Variants in CASP8 observed in about 807,000 individuals in gnomAD.
CASP8 encodes caspase 8, also known as caspase-8.
A neutral mutation model predicts 46.3 loss-of-function variants in CASP8; 24 were observed. The ratio of observed to expected loss-of-function variants is 0.52; its 90% CI spans 0.38 to 0.73. The LOEUF is 0.73. CASP8 is among the 30% of genes least tolerant of loss of function. CASP8 has a pLI of 0.00. For synonymous variants in CASP8, 188 were observed against 200.4 expected (o/e 0.94, Z 0.52); for missense variants, 460 against 559.0 (o/e 0.82, Z 1.79).
intron 2 of CASP8, among the ~76,000 whole-genome samples, chr2:201,237,064 TC>T (rs71406912): frequency 1.3e-5 from 2 of 151,234 alleles, no homozygotes; most frequent in Admixed American, 6.6e-5. Flanking sequence ...TTGTTCCTTT[TC>T]CCCAGTATGA....
At position 201,276,940 on chromosome 2, in the gene CASP8, G is replaced by A. The variant is rs778629584; in HGVS notation, c.774G>A (p.Arg258=). The change falls in exon 7 of 9, where the codon AGG becomes AGA. Residue 258 remains arginine (R), a synonymous_variant. Transcript: ENST00000673742. ...AAGTGCCCAAACTTCACAGCATTAG[G>A]GACAGGAATGGAACACACTTGGATG... is the stretch of plus-strand genomic sequence containing the variant. ...REKVPKLHSI[R]DRNGTHLDAG... is the part of the protein sequence containing the mutation. The A allele has an allele frequency of 1.2e-6, 2 of 1,613,710 alleles. No individual in the cohort carries two copies. The highest frequency in any genetic ancestry group is 4.5e-5 in the East Asian group (2 of 44,878).
Position 201,272,712 on chromosome 2 carries a change from A to G in CASP8, c.486A>G (p.Arg162=), listed in dbSNP as rs1344451865. Residue 162 remains arginine (R), a synonymous_variant, in exon 4 of 9, where the codon AGA becomes AGG. Coordinates refer to ENST00000673742, the MANE Select transcript of CASP8 (RefSeq NM_001372051.1). The surrounding 1 kb of genome is among the most constrained non-coding windows in gnomAD (Gnocchi z 4.4). ...AAGGAAAGTTGGACATCCTGAAAAG[A>G]GTCTGTGCCCAAATCAACAAGAGCC... ...LGEGKLDILK[R]VCAQINKSLL... The G allele has an allele frequency of 2.5e-6, 4 of 1,614,154 alleles. No individual in the cohort carries two copies. In the South Asian group the frequency reaches 4.4e-5, roughly 18 times the overall value.
At chr2:201,267,917 A>AT (rs1336170356) in intron 2 of CASP8, among the ~76,000 whole-genome samples, 1 of 151,894 alleles carries the variant, frequency 6.6e-6, no homozygotes. Context: ...AGGCTTGACT[A>AT]TTTTTTGTTT....
intron 2 of CASP8, among the ~76,000 whole-genome samples, chr2:201,267,976 G>C (rs1345573781): frequency 6.6e-6 from 1 of 152,192 alleles, no homozygotes; most frequent in Non-Finnish European, 1.5e-5. Flanking sequence ...ACCCAGGCTA[G>C]AGTGCAGTGG....
In CASP8 at chr2:201,286,589, G is replaced by T. The variant is rs1559377180; in HGVS notation, c.1435G>T (p.Asp479Tyr). ...AAGAAAAAAACTTGTCTTCCCTTCT[G>T]ATTGATGGTGCTATTTTGTTTGTTT... is the stretch of plus-strand genomic sequence containing the variant. ...TLRKKLVFPS[D>Y] The change falls in exon 9 of 9, where the codon GAT becomes TAT. Residue 479 changes from aspartate (D) to tyrosine (Y), a missense_variant. Coordinates refer to ENST00000673742, the MANE Select transcript of CASP8 (RefSeq NM_001372051.1). 1 of 1,613,468 alleles carries T rather than the reference G, an allele frequency of 6.2e-7. No homozygotes were observed. Among genetic ancestry groups the T allele is most frequent in the Non-Finnish European group, 8.5e-7 (1 of 1,179,532 alleles).
intron 7 of CASP8, among the ~76,000 whole-genome samples, chr2:201,283,787 C>T (rs1949337682): frequency 3.1e-5 from 2 of 65,016 alleles, no homozygotes; most frequent in African/African-American, 9.6e-5. Flanking sequence ...CCCTCACCTC[C>T]CGGACGGGGC....
intron 1 of CASP8, among the ~76,000 whole-genome samples, chr2:201,261,015 A>G (rs3820971): frequency 0.069 from 10,581 of 152,268 alleles, 617 homozygotes; most frequent in African/African-American, 0.16. Context: ...CCACCAACAT[A>G]CACACTTGCC....
upstream of CASP8, chr2:201,257,984 T>C (rs892635199): frequency 4.0e-6 from 2 of 494,258 alleles, no homozygotes; most frequent in Non-Finnish European, 7.3e-6. Context: ...TTCTGAATGG[T>C]TGGAAATTGG....
At chr2:201,238,734 C>T (rs1946164077) in intron 2 of CASP8, among the ~76,000 whole-genome samples, 1 of 152,136 alleles carries the variant, frequency 6.6e-6, no homozygotes, top group South Asian at 2.1e-4. Flanking sequence ...TGAGCCACTG[C>T]ACCCAGTCTT....
At chr2:201,258,302 C>T (rs374248653), upstream of CASP8, 15 of 1,613,690 alleles carry the variant, frequency 9.3e-6, no homozygotes, top group African/African-American at 1.6e-4. Context: ...GCCTTTCCCA[C>T]CCCCTTCCCT....
At chr2:201,249,736 A>G (rs76828767) in intron 2 of CASP8, among the ~76,000 whole-genome samples, 1 of 152,186 alleles carries the variant, frequency 6.6e-6, no homozygotes, top group Non-Finnish European at 1.5e-5. Flanking sequence ...GAAAGAAAAA[A>G]AAAGAAAGAG....
chr2:201,238,763 A>AT (rs1484214520), intron 2 of CASP8, among the ~76,000 whole-genome samples: 2 of 136,156 alleles, frequency 1.5e-5, no homozygotes, highest in African/African-American at 3.8e-5. Context: ...TTTTTATTTT[A>AT]TTTATTTATT....
chr2:201,258,412 C>T (rs529403950), upstream of CASP8: 108 of 1,613,326 alleles, frequency 6.7e-5, 3 homozygotes, highest in South Asian at 1.1e-3. Flanking sequence ...GTGGCCTCTT[C>T]AACAGGAAAC....
At chr2:201,260,737 T>C (rs1396853675) in intron 1 of CASP8, 124 bp downstream of exon 1, 2 of 163,608 alleles carry the variant, frequency 1.2e-5, no homozygotes, top group Admixed American at 6.5e-5. Context: ...GTGATCCTCG[T>C]ATGTGAGTGT....
At chr2:201,240,126 T>A (rs905204823) in intron 2 of CASP8, 7 of 152,154 alleles carry the variant, frequency 4.6e-5, no homozygotes. Flanking sequence ...GATCAAACTG[T>A]GTGTATGCAT....
At position 201,285,285 on chromosome 2, in the gene CASP8, A is replaced by C. The variant is rs2125491289; in HGVS notation, c.1272A>C (p.Ser424=). ...NPAEGTWYIQ[S]LCQSLRERCP... is the part of the protein sequence containing the mutation. ...CAGAGGGAACCTGGTACATCCAGTC[A>C]CTTTGCCAGAGCCTGAGAGAGCGAT... The change falls in exon 8 of 9, where the codon TCA becomes TCC. Residue 424 remains serine (S), a synonymous_variant. Coordinates refer to ENST00000673742, the MANE Select transcript of CASP8 (RefSeq NM_001372051.1). The C allele has an allele frequency of 4.3e-6, 7 of 1,614,034 alleles. No individual in the cohort carries two copies. The highest frequency in any genetic ancestry group is 5.9e-6 in the Non-Finnish European group (7 of 1,180,048).
chr2:201,283,815 G>T (rs1949342094), intron 7 of CASP8, among the ~76,000 whole-genome samples: 1 of 56,384 alleles, frequency 1.8e-5, no homozygotes, highest in Admixed American at 1.2e-4. Context: ...CGGGCGGGGG[G>T]CTGACCCCCC....
intron 2 of CASP8, chr2:201,240,654 T>C (rs1946259878): frequency 6.6e-6 from 1 of 152,168 alleles, no homozygotes; most frequent in Non-Finnish European, 1.5e-5. Context: ...AACAGGGGAC[T>C]TAAACAACAT....
chr2:201,237,166 C>T (rs1946089477), intron 2 of CASP8, among the ~76,000 whole-genome samples: 1 of 144,620 alleles, frequency 6.9e-6, no homozygotes, highest in Admixed American at 7.1e-5. Context: ...TCTTGGCTCA[C>T]TGCAACCTCC....
Sources: gnomAD v4.1 joint callset for allele counts (sites outside exome capture counted in the v4.1 genomes callset) on GRCh38, gnomAD v4.1.1 for gene constraint, Gnocchi (gnomAD v3.1) non-coding constraint, MANE v1.5 for transcripts, NCBI Gene and HGNC (gene_info 2026-07-23, HGNC 2026-07-21) for gene names.